Variants in ATP1A3 observed in about 807,000 individuals in gnomAD.
The protein encoded by ATP1A3 is ATPase Na+/K+ transporting subunit alpha 3.
Under a neutral mutation model 108.8 loss-of-function variants are expected in ATP1A3, and 12 were observed. The ratio of observed to expected loss-of-function variants is 0.11; its 90% CI spans 0.07 to 0.18. The LOEUF (loss-of-function observed/expected upper bound fraction) is 0.18, where lower values mean the gene tolerates loss of function less well. Among genes scored for constraint, ATP1A3 ranks in the 10% least tolerant of loss-of-function variants. The probability of loss-of-function intolerance (pLI) is 1.00; values close to 1 mark genes in which losing one functional copy is unlikely to be tolerated. For missense variants in ATP1A3, 498 were observed against 1,387.7 expected (o/e 0.36, Z 10.19); for synonymous variants, 539 against 564.5 (o/e 0.95, Z 0.64).
At chr19:41,976,289 C>A in intron 15 of ATP1A3, 127 bp downstream of exon 15, 2 of 1,351,108 alleles carry the variant, frequency 1.5e-6, no homozygotes, top group Non-Finnish European at 2.1e-6. Context: ...CCCAGACCCT[C>A]CTCTCTCAGA....
chr19:41,971,461 C>T (rs2075109215), intron 16 of ATP1A3, among the ~76,000 whole-genome samples: 1 of 152,148 alleles, frequency 6.6e-6, no homozygotes, highest in Non-Finnish European at 1.5e-5. Flanking sequence ...AGAATGTTCA[C>T]CATAGCACCA....
At chr19:41,980,637 C>T (rs1266920011) in intron 11 of ATP1A3, among the ~76,000 whole-genome samples, 1 of 151,826 alleles carries the variant, frequency 6.6e-6, no homozygotes, top group Non-Finnish European at 1.5e-5. Context: ...TGAGGCCGGG[C>T]GCGGTGGCTC....
intron 8 of ATP1A3, among the ~76,000 whole-genome samples, chr19:41,983,553 C>T (rs966284528): frequency 2.7e-5 from 4 of 147,474 alleles, no homozygotes; most frequent in Non-Finnish European, 4.5e-5. Flanking sequence ...AGCAAAGCAG[C>T]CAGAGAAAAA....
rs374559933 is a variant in ATP1A3 at position 41,987,917 on chromosome 19, G to A, written c.357+19C>T. The A allele has an allele frequency of 3.7e-6, 6 of 1,612,086 alleles. No homozygotes were observed. Among genetic ancestry groups the A allele is most frequent in the African/African-American group, 1.3e-5 (1 of 74,860 alleles). On this transcript the variant is annotated intron_variant, in intron 4 of 22. Coordinates refer to ENST00000648268, the MANE Select transcript of ATP1A3 (RefSeq NM_152296.5). Reference sequence around the variant, plus strand: ...ATAAATGTGCAGAGCCTTGCACAGGGCAGGGTCCAGGCACTCACGTTGTCA... The same window carrying A: ...ATAAATGTGCAGAGCCTTGCACAGGACAGGGTCCAGGCACTCACGTTGTCA...
Position 41,988,264 on chromosome 19 carries a change from C to T in ATP1A3, c.153+54G>A. 8.1e-6 allele frequency: 13 copies of T among 1,613,076 alleles called. No homozygotes were observed. The highest frequency in any genetic ancestry group is 1.1e-5 in the South Asian group (1 of 91,060). ...CCTCCCTCAGACCCAGGGGTCCTAGCCCCCAGCTCCTCCTCCCTAGTTCCC... is the reference window on the plus strand; with the variant it reads ...CCTCCCTCAGACCCAGGGGTCCTAGTCCCCAGCTCCTCCTCCCTAGTTCCC... On this transcript the variant is annotated intron_variant, in intron 3 of 22. Transcript: ENST00000648268. This position sits in a 1 kb window ranked among gnomAD's most constrained non-coding sequence, Gnocchi z 5.3.
chr19:41,967,416 G>A lies in ATP1A3; in HGVS notation c.2922-76C>T. Reference sequence around the variant, plus strand: ...AGAGTTTCAGGGGACTGGAGGGGACGCAGAGGGGCAGTCTCCCAGGATCCT... The same window carrying A: ...AGAGTTTCAGGGGACTGGAGGGGACACAGAGGGGCAGTCTCCCAGGATCCT... On this transcript the variant is annotated intron_variant, in intron 21 of 22. Transcript: ENST00000648268. The surrounding 1 kb of genome is among the most constrained non-coding windows in gnomAD (Gnocchi z 4.2). 4.7e-6 allele frequency: 7 copies of A among 1,477,654 alleles called. No homozygotes were observed. Among genetic ancestry groups the A allele is most frequent in the Admixed American group, 3.6e-5 (2 of 55,032 alleles). The allele number at this position is 1,477,654 out of a possible 1,614,324, so 91.5% of individuals were successfully genotyped here. A position where few individuals can be genotyped will look rare whatever the true frequency, so the allele number is the denominator to read the frequency against.
rs782370873 is a variant in ATP1A3, at chr19:41,978,716, C to A, written c.1520G>T (p.Arg507Leu). The change falls in exon 12 of 23, where the codon CGC becomes CTC. Residue 507 changes from arginine to leucine, a missense_variant. Coordinates refer to ENST00000648268, the MANE Select transcript of ATP1A3 (RefSeq NM_152296.5). This position sits in a 1 kb window ranked among gnomAD's most constrained non-coding sequence, Gnocchi z 8.3. ...GCCCTGTAGCAGGATGGTGGAGCAG[C>A]GGTCCAGGATGCGCTCGGGGGCACC... The part of the protein sequence containing the change: ...MKGAPERILD[R>L]CSTILLQGKE... 1 of 1,613,996 alleles carries A rather than the reference C, an allele frequency of 6.2e-7. No homozygotes were observed. The highest frequency in any genetic ancestry group is 1.3e-5 in the African/African-American group (1 of 74,928).
At chr19:41,972,372 T>C (rs968645651) in intron 16 of ATP1A3, among the ~76,000 whole-genome samples, 1 of 151,578 alleles carries the variant, frequency 6.6e-6, no homozygotes, top group Non-Finnish European at 1.5e-5. Context: ...CAGTGACTGA[T>C]GATTGCAGCA....
In ATP1A3 at chr19:41,978,885, G is replaced by A. The variant is rs998583796; in HGVS notation, c.1438-87C>T. 8.9e-5 allele frequency: 126 copies of A among 1,419,120 alleles called. No homozygotes were observed. The East Asian group carries it at 2.3e-3, about 26-fold the overall frequency. The allele number at this position is 1,419,120 out of a possible 1,614,324, so 87.9% of individuals were successfully genotyped here. A position where few individuals can be genotyped will look rare whatever the true frequency, so the allele number is the denominator to read the frequency against. On this transcript the variant is annotated intron_variant, in intron 11 of 22. Coordinates refer to ENST00000648268, the MANE Select transcript of ATP1A3 (RefSeq NM_152296.5). This position sits in a 1 kb window ranked among gnomAD's most constrained non-coding sequence, Gnocchi z 8.3. ...CATCCTGTCCCCTGTCCAGAGCCAC[G>A]GGTGCCAGGATAGGCCCACACCAGG...
rs868980016 is a variant in ATP1A3 at position 41,966,976 on chromosome 19, A to G, written c.3014-11T>C. On this transcript the variant is annotated splice_polypyrimidine_tract_variant and intron_variant, in intron 22 of 22. Transcript: ENST00000648268. Reference sequence around the variant, plus strand: ...CCTTCTCCACCCAACCTGGAGAGACAAAGAAGGAAAGAAAGAGACAGAGTA... The same window carrying G: ...CCTTCTCCACCCAACCTGGAGAGACGAAGAAGGAAAGAAAGAGACAGAGTA... 9.0e-6 allele frequency: 14 copies of G among 1,551,420 alleles called. No homozygotes were observed. The African/African-American group carries it at 1.4e-4, about 15-fold the overall frequency.
rs1208049685 is a variant in ATP1A3 at position 41,968,968 on chromosome 19, T to C, written c.2689-53A>G. On this transcript the variant is annotated intron_variant, in intron 19 of 22. Coordinates refer to ENST00000648268, the MANE Select transcript of ATP1A3 (RefSeq NM_152296.5). The surrounding 1 kb of genome is among the most constrained non-coding windows in gnomAD (Gnocchi z 5.0). Reference sequence around the variant, plus strand: ...ACGTCAGTTAGTGGCACTGCAGCCCTAGCCGCCACCCCGACGTTCCGGTGC... The same window carrying C: ...ACGTCAGTTAGTGGCACTGCAGCCCCAGCCGCCACCCCGACGTTCCGGTGC... The C allele has an allele frequency of 1.9e-6, 3 of 1,611,428 alleles. No homozygotes were observed. Among genetic ancestry groups the C allele is most frequent in the Admixed American group, 3.3e-5 (2 of 59,918 alleles).
Position 41,988,411 on chromosome 19 carries a change from G to C in ATP1A3, c.94-34C>G. ...CAGGAGTTTGGGGGAGACGGTGAGT[G>C]CCTAGGCCAGCCAAGAACTGGCGAG... On this transcript the variant is annotated intron_variant, in intron 2 of 22. Transcript: ENST00000648268. The surrounding 1 kb of genome is among the most constrained non-coding windows in gnomAD (Gnocchi z 5.3). The C allele has an allele frequency of 6.2e-7, 1 of 1,614,200 alleles. No homozygotes were observed. The highest frequency in any genetic ancestry group is 8.5e-7 in the Non-Finnish European group (1 of 1,180,038).
At position 41,993,281 on chromosome 19, in the gene ATP1A3, C is replaced by T. The variant is rs1272929989; in HGVS notation, c.6+790G>A. 4.4e-6 allele frequency: 5 copies of T among 1,125,980 alleles called. 1 individual carries two copies. Among genetic ancestry groups the T allele is most frequent in the African/African-American group, 1.5e-5 (1 of 64,740 alleles). 69.7% of individuals were successfully genotyped at this position (1,125,980 alleles called of 1,614,324 possible). On this transcript the variant is annotated intron_variant, in intron 1 of 22. Transcript: ENST00000648268. ...GGAGGCGGCATCTGCTGGAGAGACT[C>T]ACAGACAGACAAGGACACACGGACA...
Position 41,969,595 on chromosome 19 carries a change from G to C in ATP1A3, c.2543-15C>G. On this transcript the variant is annotated splice_polypyrimidine_tract_variant and intron_variant, in intron 18 of 22. Coordinates refer to ENST00000648268, the MANE Select transcript of ATP1A3 (RefSeq NM_152296.5). ...CTGGATCATTCCTGGAAGGAGGAGA[G>C]AGGAAGCCGAGGAGAGGCTCAGATT... 6.2e-7 allele frequency: 1 copy of C among 1,613,166 alleles called. No homozygotes were observed. The highest frequency in any genetic ancestry group is 8.5e-7 in the Non-Finnish European group (1 of 1,179,998).
rs143904999 is a variant in ATP1A3, at chr19:41,978,733, G to A, written c.1503C>T (p.Pro501=). The part of the protein sequence containing the change: ...NRYLLVMKGA[P]ERILDRCSTI... ...TGGAGCAGCGGTCCAGGATGCGCTCGGGGGCACCCTTCATCACCAGCAGGT... is the reference window on the plus strand; with the variant it reads ...TGGAGCAGCGGTCCAGGATGCGCTCAGGGGCACCCTTCATCACCAGCAGGT... The change falls in exon 12 of 23, where the codon CCC becomes CCT. Residue 501 remains proline, a synonymous_variant. Coordinates refer to ENST00000648268, the MANE Select transcript of ATP1A3 (RefSeq NM_152296.5). The surrounding 1 kb of genome is among the most constrained non-coding windows in gnomAD (Gnocchi z 8.3). 149 of 1,613,886 alleles carry A rather than the reference G, an allele frequency of 9.2e-5. 1 individual carries two copies. Among genetic ancestry groups the A allele is most frequent in the African/African-American group, 6.1e-4 (46 of 74,914 alleles).
chr19:41,970,843 T>G (rs575153677), intron 16 of ATP1A3, among the ~76,000 whole-genome samples: 1 of 151,668 alleles, frequency 6.6e-6, no homozygotes, highest in Non-Finnish European at 1.5e-5. Context: ...TGTGTTAGCC[T>G]GCATGGTCTC....
intron 1 of ATP1A3, among the ~76,000 whole-genome samples, chr19:41,989,642 C>T (rs1404344394): frequency 6.6e-6 from 1 of 152,098 alleles, no homozygotes. Flanking sequence ...TTCTATGTCT[C>T]CACGTGTATC....
chr19:41,970,983 G>A (rs1348373631), intron 16 of ATP1A3, among the ~76,000 whole-genome samples: 1 of 150,288 alleles, frequency 6.7e-6, no homozygotes, highest in Non-Finnish European at 1.5e-5. Context: ...TTTTCTTTTT[G>A]GGACAGGGTC....
chr19:41,986,317 T>C, intron 4 of ATP1A3, 88 bp from the exon 5 acceptor site: 1 of 1,302,362 alleles, frequency 7.7e-7, no homozygotes, highest in South Asian at 1.2e-5. Context: ...GAAGGGAGCT[T>C]TGTGTCAGTG....
Sources: gnomAD v4.1 joint callset for allele counts (sites outside exome capture counted in the v4.1 genomes callset) on GRCh38, gnomAD v4.1.1 for gene constraint, Gnocchi (gnomAD v3.1) non-coding constraint, MANE v1.5 for transcripts, NCBI Gene and HGNC (gene_info 2026-07-23, HGNC 2026-07-21) for gene names.